The following PXDNL variants were observed in gnomAD, a reference collection of about 807,000 sequenced individuals.
PXDNL encodes the protein peroxidasin like.
In PXDNL, 145 loss-of-function variants were observed where a neutral mutation model predicts 150.8. The observed-to-expected ratio is 0.96, with a 90% CI of 0.84 to 1.10. The LOEUF is 1.10. Among genes scored for constraint, PXDNL ranks in the 50% least tolerant of loss-of-function variants. The pLI, the probability that PXDNL is intolerant of heterozygous loss-of-function variation, is 0.00. For missense variants in PXDNL, 2,087 were observed against 1,873.9 expected (o/e 1.11, Z -2.10); for synonymous variants, 757 against 725.7 (o/e 1.04, Z -0.69).
At chr8:51,577,989 A>AGG (rs1813109555) in intron 3 of PXDNL, among the ~76,000 whole-genome samples, 2 of 67,670 alleles carry the variant, frequency 3.0e-5, no homozygotes, top group Non-Finnish European at 6.3e-5. Flanking sequence ...GAAAGAAAGA[A>AGG]AGAAAGAAAG....
chr8:51,784,368 G>A (rs187319879), intron 1 of PXDNL, among the ~76,000 whole-genome samples: 38 of 152,170 alleles, frequency 2.5e-4, no homozygotes, highest in South Asian at 4.1e-4. Flanking sequence ...TTGTTTTTAC[G>A]AATTCTTAAG....
At chr8:51,694,032 G>A (rs1423484408) in intron 1 of PXDNL, among the ~76,000 whole-genome samples, 2 of 152,110 alleles carry the variant, frequency 1.3e-5, no homozygotes, top group African/African-American at 4.8e-5. Flanking sequence ...TGGGGAAACA[G>A]CCACTTTCTT....
rs557137054 is a variant in PXDNL at position 51,367,701 on chromosome 8, C to T, written c.3901+4172G>A. Among the ~76,000 whole-genome samples the T allele has an allele frequency of 2.6e-5, 4 of 152,044 alleles. No individual in the cohort carries two copies. The South Asian group carries it at 6.2e-4, about 24-fold the overall frequency. ...AAAGGAATTACTTATATAACAGATA[C>T]ATAGAATGACTTGAGGAAATTTATG... On this transcript the variant is annotated intron_variant, in intron 19 of 22. Transcript: ENST00000356297.
intron 12 of PXDNL, among the ~76,000 whole-genome samples, chr8:51,438,982 C>G (rs1809476105): frequency 6.6e-6 from 1 of 152,190 alleles, no homozygotes; most frequent in Non-Finnish European, 1.5e-5. Flanking sequence ...TAGAAGATGA[C>G]ATCGGGAAAA....
At chr8:51,375,259 A>T (rs1807267137) in intron 17 of PXDNL, among the ~76,000 whole-genome samples, 1 of 152,206 alleles carries the variant, frequency 6.6e-6, no homozygotes, top group African/African-American at 2.4e-5. Flanking sequence ...TTGACCTAAG[A>T]TTTGAAGCAA....
intron 17 of PXDNL, among the ~76,000 whole-genome samples, chr8:51,405,190 C>G (rs948034964): frequency 3.3e-5 from 5 of 152,134 alleles, no homozygotes; most frequent in Non-Finnish European, 7.3e-5. Flanking sequence ...CAGAGGGAGC[C>G]GGCTTCCGCC....
At chr8:51,358,176 A>G (rs1179625400) in intron 19 of PXDNL, among the ~76,000 whole-genome samples, 2 of 152,168 alleles carry the variant, frequency 1.3e-5, no homozygotes, top group African/African-American at 4.8e-5. Context: ...TTAAAAATGA[A>G]ACCTAATGAA....
chr8:51,726,315 G>A (rs1196898715), intron 1 of PXDNL, among the ~76,000 whole-genome samples: 5 of 152,184 alleles, frequency 3.3e-5, no homozygotes, highest in South Asian at 2.1e-4. Flanking sequence ...GGATGAACAC[G>A]CCGGCTCTAT....
chr8:51,740,822 G>A (rs950457624), intron 1 of PXDNL, among the ~76,000 whole-genome samples: 4 of 152,050 alleles, frequency 2.6e-5, no homozygotes, highest in Admixed American at 2.0e-4. Context: ...ACTTGATCAC[G>A]GTAGGTAAGC....
intron 2 of PXDNL, among the ~76,000 whole-genome samples, chr8:51,646,832 C>T (rs1171370581): frequency 1.3e-5 from 2 of 152,138 alleles, no homozygotes; most frequent in East Asian, 3.9e-4. Flanking sequence ...AGATAGGGGA[C>T]AACCGCAAGA....
intron 4 of PXDNL, among the ~76,000 whole-genome samples, chr8:51,531,969 C>T (rs575181260): frequency 1.7e-4 from 26 of 152,364 alleles, no homozygotes; most frequent in Admixed American, 3.3e-4. Flanking sequence ...TCCCCAAACA[C>T]GGTTTAATGT....
intron 4 of PXDNL, among the ~76,000 whole-genome samples, chr8:51,545,374 A>G (rs1326013769): frequency 6.6e-6 from 1 of 152,218 alleles, no homozygotes; most frequent in African/African-American, 2.4e-5. Context: ...AAATTACCCA[A>G]AGCATTACAC....
intron 1 of PXDNL, among the ~76,000 whole-genome samples, chr8:51,763,108 A>T (rs11785467): frequency 3.3e-5 from 5 of 152,020 alleles, no homozygotes; most frequent in Non-Finnish European, 5.9e-5. Context: ...TATCCCTTAT[A>T]CCCAGCCCCA....
intron 3 of PXDNL, among the ~76,000 whole-genome samples, chr8:51,586,455 C>G (rs1353193021): frequency 6.6e-6 from 1 of 152,110 alleles, no homozygotes; most frequent in Non-Finnish European, 1.5e-5. Flanking sequence ...TGGTTTGTTT[C>G]ACAGCAAAAG....
intron 4 of PXDNL, among the ~76,000 whole-genome samples, chr8:51,516,687 G>A (rs190424348): frequency 1.9e-3 from 290 of 152,290 alleles, no homozygotes; most frequent in African/African-American, 5.2e-3. Flanking sequence ...CTTGCCTCAA[G>A]TCACACAGTC....
chr8:51,555,960 TCA>T (rs1278918563), intron 4 of PXDNL, among the ~76,000 whole-genome samples: 3 of 152,070 alleles, frequency 2.0e-5, no homozygotes, highest in African/African-American at 7.2e-5. Flanking sequence ...AAGATAGCGG[TCA>T]GTTTGAGTTG....
intron 10 of PXDNL, among the ~76,000 whole-genome samples, chr8:51,451,731 A>G (rs1287425698): frequency 2.0e-5 from 3 of 152,234 alleles, no homozygotes; most frequent in Non-Finnish European, 2.9e-5. Flanking sequence ...CTCAGTTTAA[A>G]TAGACATTAA....
intron 14 of PXDNL, among the ~76,000 whole-genome samples, chr8:51,419,234 C>A (rs964980854): frequency 6.6e-6 from 1 of 152,084 alleles, no homozygotes; most frequent in Non-Finnish European, 1.5e-5. Context: ...CAATTTGAAC[C>A]AGTATATGCA....
chr8:51,539,575 T>A (rs1320697315), intron 4 of PXDNL, among the ~76,000 whole-genome samples: 1 of 152,166 alleles, frequency 6.6e-6, no homozygotes, highest in African/African-American at 2.4e-5. Context: ...GACATTTGGG[T>A]GTAGAGTTTT....
Sources: allele counts gnomAD v4.1 joint callset (sites outside exome capture counted in the v4.1 genomes callset), GRCh38; gene constraint gnomAD v4.1.1; transcripts MANE v1.5; gene names NCBI Gene and HGNC (gene_info 2026-07-23, HGNC 2026-07-21).